PACRG: variants seen among roughly 807,000 people sequenced by gnomAD.
The protein encoded by PACRG is parkin coregulated.
In PACRG, 29 loss-of-function variants were observed where a neutral mutation model predicts 29.7. The ratio of observed to expected loss-of-function variants is 0.98; its 90% confidence interval spans 0.73 to 1.33. PACRG has a LOEUF of 1.33. PACRG is among the 40% of genes most tolerant of loss of function. The pLI is 0.00. For synonymous variants in PACRG, 116 were observed against 118.7 expected (o/e 0.98, Z 0.15); for missense variants, 279 against 316.2 (o/e 0.88, Z 0.89).
At chr6:163,131,987 C>A (rs563884888) in intron 4 of PACRG, among the ~76,000 whole-genome samples, 181 of 152,280 alleles carry the variant, frequency 1.2e-3, no homozygotes, top group African/African-American at 4.2e-3. Flanking sequence ...CAAACTACTG[C>A]GTAGCCATTT....
chr6:163,288,145 T>C (rs573168500), intron 4 of PACRG, among the ~76,000 whole-genome samples: 1 of 152,342 alleles, frequency 6.6e-6, no homozygotes, highest in Admixed American at 6.5e-5. Flanking sequence ...GTTTTCTTAA[T>C]TGCAATTTCG....
intron 2 of PACRG, among the ~76,000 whole-genome samples, chr6:162,979,351 T>G (rs1013790794): frequency 2.0e-5 from 3 of 152,178 alleles, no homozygotes; most frequent in Non-Finnish European, 4.4e-5. Context: ...TCTATTTGGA[T>G]CTTTTGCCCA....
intron 2 of PACRG, among the ~76,000 whole-genome samples, chr6:163,035,866 C>G (rs1808139798): frequency 2.0e-5 from 3 of 151,164 alleles, no homozygotes; most frequent in Admixed American, 1.3e-4. Flanking sequence ...GGGAATGCAG[C>G]CCAGTAGGTC....
chr6:163,114,300 T>C (rs1325322599), intron 4 of PACRG, among the ~76,000 whole-genome samples: 1 of 152,170 alleles, frequency 6.6e-6, no homozygotes, highest in Non-Finnish European at 1.5e-5. Context: ...TGCTGTTGCA[T>C]AGGAGCATTT....
At chr6:162,913,511 A>G (rs983618162) in intron 2 of PACRG, among the ~76,000 whole-genome samples, 5 of 152,220 alleles carry the variant, frequency 3.3e-5, no homozygotes, top group Admixed American at 1.3e-4. Context: ...TAAAGCTACT[A>G]AAAGCATTCA....
chr6:163,151,763 T>A (rs1403137113), intron 4 of PACRG, among the ~76,000 whole-genome samples: 1 of 152,216 alleles, frequency 6.6e-6, no homozygotes, highest in Non-Finnish European at 1.5e-5. Context: ...GAATATCAAT[T>A]ATATAGCCTT....
intron 4 of PACRG, among the ~76,000 whole-genome samples, chr6:163,217,862 G>A (rs1258367499): frequency 6.6e-6 from 1 of 151,946 alleles, no homozygotes; most frequent in East Asian, 1.9e-4. Context: ...AGGAAGACAA[G>A]CTTAGGGCCC....
At chr6:162,729,921 A>T (rs59498466) in intron 1 of PACRG, among the ~76,000 whole-genome samples, 61,647 of 151,960 alleles carry the variant, frequency 0.41, 15,296 homozygotes, top group African/African-American at 0.7. Flanking sequence ...AAACAACTTA[A>T]TTGAGATCCA....
At chr6:163,190,932 A>C (rs1411684968) in intron 4 of PACRG, 1 of 456,240 alleles carries the variant, frequency 2.2e-6, no homozygotes, top group Non-Finnish European at 4.4e-6. Context: ...CAGCATGCAG[A>C]CCACTTGTCA....
intron 2 of PACRG, among the ~76,000 whole-genome samples, chr6:162,939,018 T>G (rs541685325): frequency 1.3e-5 from 2 of 152,210 alleles, no homozygotes; most frequent in South Asian, 2.1e-4. Flanking sequence ...TAAGTACCAG[T>G]TAGGCAATAG....
At chr6:162,784,360 C>T (rs560348106) in intron 1 of PACRG, among the ~76,000 whole-genome samples, 3 of 152,122 alleles carry the variant, frequency 2.0e-5, no homozygotes, top group South Asian at 4.1e-4. Flanking sequence ...CTTAATTTCT[C>T]GATCTCCCTT....
At chr6:163,246,691 A>C (rs145720801) in intron 4 of PACRG, among the ~76,000 whole-genome samples, 154 of 152,228 alleles carry the variant, frequency 1.0e-3, no homozygotes, top group African/African-American at 3.2e-3. Context: ...TTACATACAA[A>C]TTTTCTCATT....
intron 2 of PACRG, among the ~76,000 whole-genome samples, chr6:162,921,594 C>T (rs1797069064): frequency 6.6e-6 from 1 of 152,170 alleles, no homozygotes; most frequent in South Asian, 2.1e-4. Flanking sequence ...AAGACCCAGG[C>T]ATTGGTGTCT....
intron 4 of PACRG, among the ~76,000 whole-genome samples, chr6:163,151,764 A>T (rs987462857): frequency 1.8e-4 from 27 of 152,372 alleles, no homozygotes; most frequent in African/African-American, 6.5e-4. Flanking sequence ...AATATCAATT[A>T]TATAGCCTTA....
At chr6:162,737,459 C>T (rs960197469) in intron 1 of PACRG, among the ~76,000 whole-genome samples, 4 of 152,162 alleles carry the variant, frequency 2.6e-5, no homozygotes, top group Non-Finnish European at 5.9e-5. Flanking sequence ...TAGATGGCTA[C>T]TCAATTTTCC....
intron 4 of PACRG, among the ~76,000 whole-genome samples, chr6:163,197,685 A>C (rs1009924626): frequency 6.6e-6 from 1 of 151,514 alleles, no homozygotes; most frequent in African/African-American, 2.4e-5. Flanking sequence ...TTCTGACCTC[A>C]TGATCCGCCT....
intron 1 of PACRG, among the ~76,000 whole-genome samples, chr6:162,787,875 T>C (rs1038104530): frequency 2.7e-5 from 4 of 147,476 alleles, no homozygotes; most frequent in African/African-American, 4.9e-5. Flanking sequence ...GTTGGACTAG[T>C]AACCTGGATT....
At chr6:163,056,957 T>C (rs765553815) in intron 2 of PACRG, among the ~76,000 whole-genome samples, 4 of 152,198 alleles carry the variant, frequency 2.6e-5, no homozygotes, top group Non-Finnish European at 4.4e-5. Context: ...GTGGGATTCC[T>C]AATGAGGGAG....
intron 2 of PACRG, among the ~76,000 whole-genome samples, chr6:162,836,329 T>A (rs536718526): frequency 6.6e-6 from 1 of 152,244 alleles, no homozygotes; most frequent in African/African-American, 2.4e-5. Flanking sequence ...ACAGGGGTAG[T>A]CAGAGGGCTG....
Sources: allele counts gnomAD v4.1 joint callset (sites outside exome capture counted in the v4.1 genomes callset), GRCh38; gene constraint gnomAD v4.1.1; transcripts MANE v1.5; gene names NCBI Gene and HGNC (gene_info 2026-07-23, HGNC 2026-07-21).